Variants in ATP1B3 observed in about 807,000 individuals in gnomAD.
ATP1B3 encodes ATPase Na+/K+ transporting subunit beta 3.
A neutral mutation model predicts 30.2 loss-of-function variants in ATP1B3; 10 were observed. The ratio of observed to expected loss-of-function variants is 0.33; its 90% CI spans 0.20 to 0.56. The LOEUF (loss-of-function observed/expected upper bound fraction) is 0.56. Among genes scored for constraint, ATP1B3 ranks in the 20% least tolerant of loss-of-function variants. The pLI is 0.90. For synonymous variants in ATP1B3, 113 were observed against 117.0 expected (o/e 0.97, Z 0.22); for missense variants, 238 against 336.7 (o/e 0.71, Z 2.29).
At chr3:141,895,834 A>G (rs1934055470) in intron 1 of ATP1B3, among the ~76,000 whole-genome samples, 1 of 152,196 alleles carries the variant, frequency 6.6e-6, no homozygotes, top group Non-Finnish European at 1.5e-5. Context: ...AAACATTCCC[A>G]CCAGCAGGAT....
intron 1 of ATP1B3, among the ~76,000 whole-genome samples, chr3:141,892,939 G>C (rs537126003): frequency 1.3e-5 from 2 of 152,104 alleles, no homozygotes; most frequent in Non-Finnish European, 2.9e-5. Flanking sequence ...ATAAGGAAAA[G>C]CAATTAAAAC....
At chr3:141,920,526 C>A (rs1340188235) in intron 5 of ATP1B3, among the ~76,000 whole-genome samples, 29 of 148,254 alleles carry the variant, frequency 2.0e-4, no homozygotes, top group East Asian at 9.9e-4. Context: ...GACTCTGTCT[C>A]AAAAAAAAGA....
intron 1 of ATP1B3, among the ~76,000 whole-genome samples, chr3:141,896,481 T>C (rs1934068959): frequency 6.6e-6 from 1 of 152,158 alleles, no homozygotes. Context: ...TGATTGATTG[T>C]GCCACTGCAC....
intron 1 of ATP1B3, among the ~76,000 whole-genome samples, chr3:141,890,452 G>A (rs1267102101): frequency 5.9e-5 from 9 of 151,556 alleles, no homozygotes; most frequent in South Asian, 2.1e-4. Context: ...ACAGGTGCCC[G>A]CCACTACGCC....
intron 1 of ATP1B3, among the ~76,000 whole-genome samples, chr3:141,892,833 CGG>C: frequency 6.6e-6 from 1 of 151,878 alleles, no homozygotes; most frequent in Admixed American, 6.6e-5. Flanking sequence ...TTTAATGGAG[CGG>C]TAGCTTCACA....
chr3:141,922,116 A>G, intron 6 of ATP1B3, 53 bp downstream of exon 6: 1 of 1,132,990 alleles, frequency 8.8e-7, no homozygotes, highest in Non-Finnish European at 1.3e-6. Context: ...AAGCTGGAGC[A>G]TGTGTTGACG....
At chr3:141,902,556 A>G (rs1934184221) in intron 1 of ATP1B3, among the ~76,000 whole-genome samples, 1 of 152,248 alleles carries the variant, frequency 6.6e-6, no homozygotes, top group African/African-American at 2.4e-5. Flanking sequence ...TTCTGATGTT[A>G]GAACTTTGAA....
rs554839537 is a variant in ATP1B3 at position 141,925,074 on chromosome 3, C to T, written c.670-457C>T. ...GAGCTCAGGGGCATGAGCTGTCACA[C>T]CCAGTCAACATTTTTATCAGTAATT... On this transcript the variant is annotated intron_variant, in intron 6 of 6. Coordinates refer to ENST00000286371, the MANE Select transcript of ATP1B3 (RefSeq NM_001679.4). Among the ~76,000 whole-genome samples the T allele has an allele frequency of 1.1e-4, 16 of 151,928 alleles. No homozygotes were observed. In the South Asian group the frequency reaches 1.5e-3, roughly 14 times the overall value.
rs200871812 is a variant in ATP1B3, at chr3:141,888,617, G to A, written c.109+11707G>A. Among the ~76,000 whole-genome samples, 3 of 152,076 alleles carry A rather than the reference G, an allele frequency of 2.0e-5. No homozygotes were observed. The East Asian group carries it at 5.8e-4, about 29-fold the overall frequency. ...AGGTTTAATTGACTCACATGATATGGCTTGGCTGTGTCCCCACCCAAATCT... is the reference window on the plus strand; with the variant it reads ...AGGTTTAATTGACTCACATGATATGACTTGGCTGTGTCCCCACCCAAATCT... On this transcript the variant is annotated intron_variant, in intron 1 of 6. Transcript: ENST00000286371.
chr3:141,885,309 A>G (rs986711558), intron 1 of ATP1B3, among the ~76,000 whole-genome samples: 3 of 152,216 alleles, frequency 2.0e-5, no homozygotes, highest in African/African-American at 4.8e-5. Context: ...ACACACGTTC[A>G]GAGGACATCT....
At chr3:141,890,086 CTTTTTTT>C (rs1245235657) in intron 1 of ATP1B3, among the ~76,000 whole-genome samples, 4 of 107,550 alleles carry the variant, frequency 3.7e-5, no homozygotes, top group Non-Finnish European at 7.3e-5. Flanking sequence ...AATTTTTTTT[CTTTTTTT>C]TTTTTTTTTT....
At chr3:141,922,472 G>A (rs1934581284) in intron 6 of ATP1B3, among the ~76,000 whole-genome samples, 1 of 151,770 alleles carries the variant, frequency 6.6e-6, no homozygotes, top group Non-Finnish European at 1.5e-5. Flanking sequence ...GGCCAACTTG[G>A]CGAAACCCCC....
chr3:141,877,859 A>G (rs916954950), intron 1 of ATP1B3, among the ~76,000 whole-genome samples: 1 of 147,262 alleles, frequency 6.8e-6, no homozygotes, highest in Non-Finnish European at 1.5e-5. Flanking sequence ...TTTATACTTA[A>G]GTAAACTAAT....
chr3:141,916,344 C>A, intron 5 of ATP1B3: 1 of 473,314 alleles, frequency 2.1e-6, no homozygotes, highest in Non-Finnish European at 4.2e-6. Context: ...TGTCTTAATA[C>A]TGTATCATGA....
At chr3:141,893,789 C>T (rs1934006091) in intron 1 of ATP1B3, among the ~76,000 whole-genome samples, 1 of 152,102 alleles carries the variant, frequency 6.6e-6, no homozygotes, top group Admixed American at 6.5e-5. Flanking sequence ...CTTTGTAACC[C>T]ATCTCTGTTC....
chr3:141,878,277 G>GT (rs1933645317), intron 1 of ATP1B3, among the ~76,000 whole-genome samples: 1 of 152,210 alleles, frequency 6.6e-6, no homozygotes, highest in South Asian at 2.1e-4. Context: ...TAACTGCATG[G>GT]TAATCACTCA....
intron 3 of ATP1B3, among the ~76,000 whole-genome samples, chr3:141,908,131 G>T (rs1934296109): frequency 6.9e-6 from 1 of 145,118 alleles, no homozygotes; most frequent in African/African-American, 2.6e-5. Context: ...CAACGTGCAG[G>T]TTTCCAATGT....
rs1005712160 is a variant in ATP1B3 at position 141,922,190 on chromosome 3, T to C, written c.669+127T>C. 15 of 584,320 alleles carry C rather than the reference T, an allele frequency of 2.6e-5. No homozygotes were observed. The African/African-American group carries it at 3.0e-4, about 12-fold the overall frequency. The allele number at this position is 584,320 out of a possible 1,614,324, so 36.2% of individuals were successfully genotyped here. On this transcript the variant is annotated intron_variant, in intron 6 of 6. Coordinates refer to ENST00000286371, the MANE Select transcript of ATP1B3 (RefSeq NM_001679.4). ...AATTTGTGCGTCATCTATTCAGGTT[T>C]TGTTTTATTTTAATGGTGATGGTAA...
intron 1 of ATP1B3, among the ~76,000 whole-genome samples, chr3:141,893,844 G>A (rs911702143): frequency 1.6e-4 from 25 of 152,088 alleles, no homozygotes; most frequent in African/African-American, 5.6e-4. Context: ...TTGACAGTCT[G>A]TATTAAATAC....
Sources: gnomAD v4.1 joint callset for allele counts (sites outside exome capture counted in the v4.1 genomes callset) on GRCh38, gnomAD v4.1.1 for gene constraint, MANE v1.5 for transcripts, NCBI Gene and HGNC (gene_info 2026-07-23, HGNC 2026-07-21) for gene names.